Variants in COL11A1 observed in about 807,000 individuals in gnomAD.
COL11A1 encodes collagen alpha-1(XI) chain.
A neutral mutation model predicts 265.2 loss-of-function variants in COL11A1; 74 were observed. That is an observed-to-expected ratio of 0.28 (90% CI 0.23 to 0.34). The LOEUF is 0.34. Ranked by LOEUF, COL11A1 falls within the 10% of genes least tolerant of loss-of-function variation. The pLI is 1.00. For missense variants in COL11A1, 2,165 were observed against 2,263.6 expected (o/e 0.96, Z 0.88); for synonymous variants, 816 against 727.6 (o/e 1.12, Z -1.96).
At chr1:103,084,196 C>T (rs1266946370) in intron 1 of COL11A1, among the ~76,000 whole-genome samples, 3 of 152,220 alleles carry the variant, frequency 2.0e-5, no homozygotes, top group South Asian at 2.1e-4. Flanking sequence ...TATTTCTGAA[C>T]ATTTTTCATC....
At position 102,889,435 on chromosome 1, in the gene COL11A1, TA is replaced by T. The variant is rs1651459255; in HGVS notation, c.4464+19del. 7.0e-7 allele frequency: 1 copy of T among 1,428,318 alleles called. No individual in the cohort carries two copies. The highest frequency in any genetic ancestry group is 1.7e-5 in the Admixed American group (1 of 58,606). 88.5% of individuals were successfully genotyped at this position (1,428,318 alleles called of 1,614,324 possible). ...TATTATTGGAAATGAGTAGAAAAAA[TA>T]ACCTATATTTTTACTCACCCCATCC... On this transcript the variant is annotated intron_variant, in intron 59 of 66. Transcript: ENST00000370096.
chr1:103,019,415 C>T (rs1158407466), intron 9 of COL11A1, among the ~76,000 whole-genome samples: 2 of 152,078 alleles, frequency 1.3e-5, no homozygotes, highest in Non-Finnish European at 2.9e-5. Flanking sequence ...TCCACTCCAT[C>T]TTTGGACTGC....
chr1:102,889,599 A>C (rs762731102), intron 58 of COL11A1, 37 bp from the exon 59 acceptor site: 1 of 1,394,602 alleles, frequency 7.2e-7, no homozygotes, highest in Admixed American at 1.7e-5. Context: ...TAACATGTAC[A>C]TTACTATCTT....
intron 42 of COL11A1, among the ~76,000 whole-genome samples, chr1:102,942,564 C>T (rs909045859): frequency 1.5e-4 from 6 of 38,976 alleles, no homozygotes; most frequent in East Asian, 0.01. Context: ...ATTCCATTTA[C>T]GTTAATAACT....
intron 4 of COL11A1, among the ~76,000 whole-genome samples, chr1:103,042,390 T>C (rs2102058468): frequency 6.6e-6 from 1 of 152,282 alleles, no homozygotes; most frequent in Middle Eastern, 3.4e-3. Context: ...GCATAATTTA[T>C]GTGAAAGTGG....
At chr1:102,937,793 C>T (rs1017946202) in intron 44 of COL11A1, among the ~76,000 whole-genome samples, 2 of 152,094 alleles carry the variant, frequency 1.3e-5, no homozygotes, top group Non-Finnish European at 2.9e-5. Flanking sequence ...GCCAAGTAAC[C>T]CTATTTTCCT....
chr1:103,061,116 TCA>T (rs1454250309), intron 4 of COL11A1, among the ~76,000 whole-genome samples: 1 of 152,088 alleles, frequency 6.6e-6, no homozygotes, highest in African/African-American at 2.4e-5. Flanking sequence ...TAAATTAATT[TCA>T]CACAGTGCAA....
intron 1 of COL11A1, among the ~76,000 whole-genome samples, chr1:103,103,817 T>C (rs1393785507): frequency 6.6e-6 from 1 of 152,032 alleles, no homozygotes; most frequent in Non-Finnish European, 1.5e-5. Flanking sequence ...AATTTTTTCC[T>C]GAGCTAAAAG....
chr1:102,914,415 C>T lies in COL11A1; in HGVS notation c.3925-10G>A, dbSNP rs773007335. On this transcript the variant is annotated splice_polypyrimidine_tract_variant and intron_variant, in intron 51 of 66. Coordinates refer to ENST00000370096, the MANE Select transcript of COL11A1 (RefSeq NM_001854.4). ...GAAAACCAACAGGACCCTAGAATGA[C>T]GTTTTGAAAGAAAAAGAAATAAATG... 34 of 1,599,726 alleles carry T rather than the reference C, an allele frequency of 2.1e-5. No homozygotes were observed. The highest frequency in any genetic ancestry group is 1.3e-4 in the Admixed American group (8 of 59,354).
At chr1:103,060,757 T>A (rs1571183729) in intron 4 of COL11A1, among the ~76,000 whole-genome samples, 2 of 151,850 alleles carry the variant, frequency 1.3e-5, no homozygotes, top group East Asian at 3.9e-4. Context: ...AACCCAGGAG[T>A]TTGAGACAAG....
chr1:103,084,762 CACTT>C (rs530378861), intron 1 of COL11A1, among the ~76,000 whole-genome samples: 80 of 152,182 alleles, frequency 5.3e-4, no homozygotes, highest in Non-Finnish European at 7.4e-4. Context: ...AGTAAGTCCT[CACTT>C]AATATCCTCG....
At chr1:102,914,915 T>A in intron 50 of COL11A1, 104 bp from the exon 51 acceptor site, 2 of 644,750 alleles carry the variant, frequency 3.1e-6, no homozygotes, top group Admixed American at 3.4e-5. Context: ...CCAGAATATA[T>A]TTTTTTTTTA....
At chr1:103,025,322 C>T (rs1667426891) in intron 7 of COL11A1, among the ~76,000 whole-genome samples, 199 bp downstream of exon 7, 3 of 152,150 alleles carry the variant, frequency 2.0e-5, no homozygotes, top group Non-Finnish European at 2.9e-5. Context: ...AAGAGTCACG[C>T]AAAACCTGAA....
chr1:102,961,930 T>C lies in COL11A1; in HGVS notation c.3115-11A>G. 1 of 1,610,876 alleles carries C rather than the reference T, an allele frequency of 6.2e-7. No homozygotes were observed. The highest frequency in any genetic ancestry group is 8.5e-7 in the Non-Finnish European group (1 of 1,178,754). ...CAGTCCAGGTGCACCCTGGGAAAAG[T>C]GAAAAAAATAAAGAAAATGAATCCA... On this transcript the variant is annotated splice_polypyrimidine_tract_variant and intron_variant, in intron 40 of 66. Coordinates refer to ENST00000370096, the MANE Select transcript of COL11A1 (RefSeq NM_001854.4).
chr1:103,019,746 A>T, intron 9 of COL11A1, among the ~76,000 whole-genome samples: 1 of 82,638 alleles, frequency 1.2e-5, no homozygotes, highest in African/African-American at 5.0e-5. Flanking sequence ...CCCTCCCCCC[A>T]CCCCACAACA....
rs186428713 is a variant in COL11A1, at chr1:102,999,076, T to A, written c.2143-713A>T. Among the ~76,000 whole-genome samples the A allele has an allele frequency of 4.6e-5, 7 of 152,000 alleles. No homozygotes were observed. In the East Asian group the frequency reaches 7.7e-4, roughly 17 times the overall value. On this transcript the variant is annotated intron_variant, in intron 24 of 66. Transcript: ENST00000370096. ...CATTCTTCTAAGAATATTAAATTTA[T>A]CAAGTTCCCAGAGCCCAGGTCATCG...
At chr1:103,088,643 C>T (rs1187513599) in intron 1 of COL11A1, among the ~76,000 whole-genome samples, 4 of 152,194 alleles carry the variant, frequency 2.6e-5, no homozygotes, top group Non-Finnish European at 4.4e-5. Flanking sequence ...AACAGAGTTG[C>T]GTAGCTGCAA....
intron 42 of COL11A1, 130 bp downstream of exon 42, chr1:102,946,719 A>G (rs1659323273): frequency 2.7e-6 from 2 of 749,508 alleles, no homozygotes; most frequent in Admixed American, 4.3e-5. Context: ...TATACGAGCC[A>G]GGGTATTTAC....
intron 41 of COL11A1, among the ~76,000 whole-genome samples, chr1:102,951,556 G>A (rs953999546): frequency 1.2e-4 from 18 of 151,986 alleles, no homozygotes; most frequent in East Asian, 3.9e-4. Context: ...TTAGCTGGGC[G>A]TGGTGGCGTC....
Sources: allele counts gnomAD v4.1 joint callset (sites outside exome capture counted in the v4.1 genomes callset), GRCh38; gene constraint gnomAD v4.1.1; transcripts MANE v1.5; gene names NCBI Gene and HGNC (gene_info 2026-07-23, HGNC 2026-07-21).